ASAH1: variants seen among roughly 807,000 people sequenced by gnomAD.
ASAH1 encodes the protein acid ceramidase.
ASAH1 carries 70 observed loss-of-function variants against 59.5 expected under a neutral mutation model. That is an observed-to-expected ratio of 1.18 (90% CI 0.97 to 1.43). The LOEUF is 1.43. Ranked by LOEUF, ASAH1 falls within the 40% of genes most tolerant of loss-of-function variation. The pLI, the probability that ASAH1 is intolerant of heterozygous loss-of-function variation, is 0.00. For missense variants in ASAH1, 660 were observed against 482.5 expected, an observed-to-expected ratio of 1.37 and a Z score of -3.45; for synonymous variants, 213 against 166.5, an observed-to-expected ratio of 1.28 and a Z score of -2.15.
chr8:18,068,909 C>T (rs1193824163), intron 4 of ASAH1, among the ~76,000 whole-genome samples: 4 of 152,102 alleles, frequency 2.6e-5, no homozygotes, highest in African/African-American at 4.8e-5. Flanking sequence ...GAGGTTGAGG[C>T]GGGAAGATCG....
At chr8:18,062,806 GACTT>G (rs1799760767) in intron 7 of ASAH1, 1 of 369,490 alleles carries the variant, frequency 2.7e-6, no homozygotes, top group Non-Finnish European at 5.0e-6. Flanking sequence ...TGTGACTTGG[GACTT>G]ACTTATCATC....
intron 8 of ASAH1, 60 bp from the exon 9 acceptor site, chr8:18,061,800 C>T (rs954188296): frequency 2.7e-6 from 4 of 1,459,342 alleles, no homozygotes; most frequent in Admixed American, 2.0e-5. Context: ...AAGGCCCTGT[C>T]GCTCACTGTA....
intron 2 of ASAH1, among the ~76,000 whole-genome samples, chr8:18,072,747 C>A (rs1800225950): frequency 6.6e-6 from 1 of 152,138 alleles, no homozygotes; most frequent in Non-Finnish European, 1.5e-5. Flanking sequence ...TATTGTTCCC[C>A]ATATTATGGG....
chr8:18,082,296 A>G (rs1444844841), intron 1 of ASAH1, among the ~76,000 whole-genome samples: 1 of 152,228 alleles, frequency 6.6e-6, no homozygotes, highest in Non-Finnish European at 1.5e-5. Flanking sequence ...CTATTGAGAA[A>G]GAAGAAAAAA....
intron 2 of ASAH1, among the ~76,000 whole-genome samples, chr8:18,072,793 G>A (rs1800227896): frequency 1.3e-5 from 2 of 152,222 alleles, no homozygotes; most frequent in South Asian, 2.1e-4. Flanking sequence ...CTTCAACTGT[G>A]CATTTAGATT....
intron 9 of ASAH1, 61 bp from the exon 10 acceptor site, chr8:18,061,519 AC>A: frequency 6.7e-7 from 1 of 1,494,988 alleles, no homozygotes; most frequent in Non-Finnish European, 9.3e-7. Flanking sequence ...ACCAGTCAGG[AC>A]CCGGAAGAGG....
At chr8:18,064,429 T>TGGGGG in intron 6 of ASAH1, 28 bp downstream of exon 6, 1 of 1,496,918 alleles carries the variant, frequency 6.7e-7, no homozygotes. Flanking sequence ...TGCTTCATGC[T>TGGGGG]GCCCACCCTC....
chr8:18,076,340 T>C (rs1035768363), intron 1 of ASAH1: 2 of 152,696 alleles, frequency 1.3e-5, no homozygotes, highest in Non-Finnish European at 2.9e-5. Flanking sequence ...TATAATCATC[T>C]GTTTGCGTTC....
At chr8:18,080,285 A>G (rs748700141) in intron 1 of ASAH1, among the ~76,000 whole-genome samples, 31 of 152,206 alleles carry the variant, frequency 2.0e-4, no homozygotes, top group Non-Finnish European at 3.8e-4. Context: ...TTTGGCAATT[A>G]ATTACTAAGC....
At chr8:18,062,957 G>A (rs1047153656) in intron 7 of ASAH1, 25 of 422,040 alleles carry the variant, frequency 5.9e-5, no homozygotes, top group South Asian at 2.6e-4. Context: ...TGCAACCTCC[G>A]CCTCGCAGGT....
chr8:18,069,738 A>T, intron 4 of ASAH1, 54 bp downstream of exon 4: 1 of 1,294,212 alleles, frequency 7.7e-7, no homozygotes, highest in Non-Finnish European at 1.1e-6. Flanking sequence ...TTAAATAAAT[A>T]ACAGCGCATT....
rs201735910 is a variant in ASAH1 at position 18,067,210 on chromosome 8, T to C, written c.382+10A>G. On this transcript the variant is annotated intron_variant, in intron 5 of 13. Coordinates refer to ENST00000637790, the MANE Select transcript of ASAH1 (RefSeq NM_177924.5). ...TACTTTTTTTTTTAAAGCTTCTAAGTGAACTTTACCTAAAGGTATATCAGT... is the reference window on the plus strand; with the variant it reads ...TACTTTTTTTTTTAAAGCTTCTAAGCGAACTTTACCTAAAGGTATATCAGT... 8.4e-4 allele frequency: 1,332 copies of C among 1,592,562 alleles called. 2 individuals are homozygous for C. Among genetic ancestry groups the C allele is most frequent in the Middle Eastern group, 2.2e-3 (13 of 5,978 alleles).
Position 18,057,637 on chromosome 8 carries a change from T to C in ASAH1, c.1099-14A>G, listed in dbSNP as rs1350201189. On this transcript the variant is annotated splice_polypyrimidine_tract_variant and intron_variant, in intron 13 of 13. Coordinates refer to ENST00000637790, the MANE Select transcript of ASAH1 (RefSeq NM_177924.5). The stretch of plus-strand genomic sequence containing the variant: ...GTATACGGTCAGCTGAAAGAAAAGT[T>C]ATTTTTACTTTAAGGACGTTTTCAA... The C allele has an allele frequency of 1.3e-6, 2 of 1,575,642 alleles. No homozygotes were observed. Among genetic ancestry groups the C allele is most frequent in the Non-Finnish European group, 1.7e-6 (2 of 1,152,554 alleles).
intron 5 of ASAH1, 77 bp downstream of exon 5, chr8:18,067,143 A>ATATCCAAGACATACAGCACCTGTGC: frequency 7.6e-7 from 1 of 1,321,252 alleles, no homozygotes; most frequent in Non-Finnish European, 1.1e-6. Context: ...CCTGTGCTGT[A>ATATCCAAGACATACAGCACCTGTGC]TGTATATCAC....
intron 6 of ASAH1, chr8:18,064,236 T>G (rs917169374): frequency 6.9e-6 from 4 of 583,900 alleles, no homozygotes; most frequent in Middle Eastern, 4.3e-4. Context: ...TCTTCCAGGT[T>G]TTTTGCATGT....
chr8:18,064,479 T>TGAA lies in ASAH1; in HGVS notation c.432_434dup (p.Ser145dup), dbSNP rs1310473010. On this transcript the variant is annotated inframe_insertion, in exon 6 of 14. Coordinates refer to ENST00000637790, the MANE Select transcript of ASAH1 (RefSeq NM_177924.5). ...TACCTTTTTTGTCTTCTGCTACTAT[T>TGAA]GAAGTACAAATGGTAAATAATTCAT... is the stretch of plus-strand genomic sequence containing the variant. 6.3e-7 allele frequency: 1 copy of TGAA among 1,581,708 alleles called. No individual in the cohort carries two copies. The highest frequency in any genetic ancestry group is 8.7e-7 in the Non-Finnish European group (1 of 1,152,424).
chr8:18,077,373 T>C (rs1227687324), intron 1 of ASAH1, among the ~76,000 whole-genome samples: 2 of 152,252 alleles, frequency 1.3e-5, no homozygotes, highest in Non-Finnish European at 2.9e-5. Flanking sequence ...ATATTTTTAC[T>C]ACTGTCAATT....
chr8:18,065,924 A>G (rs1281661808), intron 5 of ASAH1: 1 of 149,674 alleles, frequency 6.7e-6, no homozygotes, highest in Non-Finnish European at 1.5e-5. Flanking sequence ...ATATATATGT[A>G]TTGTATATTT....
At chr8:18,075,393 A>C (rs1480711597) in intron 2 of ASAH1, 148 bp downstream of exon 2, 1 of 888,254 alleles carries the variant, frequency 1.1e-6, no homozygotes, top group Non-Finnish European at 1.9e-6. Context: ...AATGCATAAT[A>C]AACAAATCTG....
Sources: gnomAD v4.1 joint callset for allele counts (sites outside exome capture counted in the v4.1 genomes callset) on GRCh38, gnomAD v4.1.1 for gene constraint, MANE v1.5 for transcripts, NCBI Gene and HGNC (gene_info 2026-07-23, HGNC 2026-07-21) for gene names.